Variants in DNMBP observed in about 807,000 individuals in gnomAD.
DNMBP encodes the protein dynamin binding protein, also known as dynamin-binding protein.
DNMBP carries 87 observed loss-of-function variants against 150.0 expected under a neutral mutation model. The observed-to-expected ratio is 0.58, with a 90% CI of 0.49 to 0.69. The LOEUF is 0.69. Ranked by LOEUF, DNMBP falls within the 30% of genes least tolerant of loss-of-function variation. DNMBP has a pLI of 0.00. For missense variants in DNMBP, 1,774 were observed against 1,949.0 expected, an observed-to-expected ratio of 0.91 and a Z score of 1.69; for synonymous variants, 711 against 750.4, an observed-to-expected ratio of 0.95 and a Z score of 0.86.
chr10:99,913,046 G>A (rs2039919682), intron 4 of DNMBP, among the ~76,000 whole-genome samples: 1 of 152,144 alleles, frequency 6.6e-6, no homozygotes, highest in Non-Finnish European at 1.5e-5. Flanking sequence ...TGTAATCCTA[G>A]CGCTTTGGGA....
intron 9 of DNMBP, among the ~76,000 whole-genome samples, chr10:99,897,029 C>G (rs1320065137): frequency 6.6e-6 from 1 of 152,176 alleles, no homozygotes; most frequent in Admixed American, 6.5e-5. Context: ...AAGCCACAGT[C>G]AACATCCCAT....
rs1447502763 is a variant in DNMBP, at chr10:99,894,830, T to A, written c.3156+116A>T. 4 of 721,654 alleles carry A rather than the reference T, an allele frequency of 5.5e-6. No individual in the cohort carries two copies. In the East Asian group the frequency reaches 1.1e-4, roughly 19 times the overall value. The allele number at this position is 721,654 out of a possible 1,614,324, so 44.7% of individuals were successfully genotyped here. On this transcript the variant is annotated intron_variant, in intron 11 of 16. Coordinates refer to ENST00000324109, the MANE Select transcript of DNMBP (RefSeq NM_015221.4). The stretch of plus-strand genomic sequence containing the variant: ...TCTCAACAAAAAGTATGATGGGGCA[T>A]AATAGTAATTTGAGTCCAGATTACT...
Position 99,952,044 on chromosome 10 carries a change from G to A in DNMBP, c.2260+3170C>T, listed in dbSNP as rs536921449. ...GGCAGGTCTTTCCTGTGCTGCTCTCGTGAGAGTGAGTAAGTCTCATGAGAT... is the reference window on the plus strand; with the variant it reads ...GGCAGGTCTTTCCTGTGCTGCTCTCATGAGAGTGAGTAAGTCTCATGAGAT... On this transcript the variant is annotated intron_variant, in intron 4 of 16. Transcript: ENST00000324109. 6.3e-4 allele frequency among the ~76,000 whole-genome samples: 96 copies of A among 152,166 alleles called. 7 individuals are homozygous for A. In the South Asian group the frequency reaches 0.012, roughly 19 times the overall value.
chr10:99,956,987 C>T lies in DNMBP; in HGVS notation c.487G>A (p.Glu163Lys). ...LMGLSAQLDE[E>K]LDFREGDVIT... ...ACATCCCCTTCCCTGAAGTCCAGCTCTTCATCCAGCTGAGCAGAAAGCCCC... is the reference window on the plus strand; with the variant it reads ...ACATCCCCTTCCCTGAAGTCCAGCTTTTCATCCAGCTGAGCAGAAAGCCCC... Residue 163 changes from glutamate (E) to lysine (K), a missense_variant, in exon 4 of 17, where the codon GAG (glutamate) becomes AAG (lysine). Transcript: ENST00000324109. The T allele has an allele frequency of 1.2e-6, 2 of 1,614,236 alleles. No individual in the cohort carries two copies. The highest frequency in any genetic ancestry group is 2.2e-5 in the East Asian group (1 of 44,878).
intron 12 of DNMBP, among the ~76,000 whole-genome samples, chr10:99,887,694 T>C (rs2039491090): frequency 1.3e-5 from 2 of 152,202 alleles, no homozygotes; most frequent in South Asian, 4.1e-4. Flanking sequence ...GGTGGGCATG[T>C]CTTTTTCACC....
intron 4 of DNMBP, among the ~76,000 whole-genome samples, chr10:99,923,949 T>C (rs2040050563): frequency 6.6e-6 from 1 of 152,106 alleles, no homozygotes; most frequent in Admixed American, 6.5e-5. Context: ...AGCCAGGAGT[T>C]TGAAACCAGC....
At chr10:99,989,492 T>A (rs1443396007) in intron 1 of DNMBP, among the ~76,000 whole-genome samples, 1 of 151,980 alleles carries the variant, frequency 6.6e-6, no homozygotes, top group Non-Finnish European at 1.5e-5. Flanking sequence ...AGGTGGATCA[T>A]CTGAGGTCAA....
intron 4 of DNMBP, among the ~76,000 whole-genome samples, chr10:99,911,590 AGT>A (rs1302662117): frequency 6.6e-6 from 1 of 152,178 alleles, no homozygotes; most frequent in Non-Finnish European, 1.5e-5. Context: ...GCATGTGGAG[AGT>A]GGGGATTGAC....
Position 99,880,366 on chromosome 10 carries a change from A to G in DNMBP, c.3998-5T>C, listed in dbSNP as rs1232091410. 5 of 1,563,930 alleles carry G rather than the reference A, an allele frequency of 3.2e-6. No homozygotes were observed. The African/African-American group carries it at 5.4e-5, about 17-fold the overall frequency. ...TGTACACGAAGCCTTTGGTGACTAC[A>G]AAGGAAACAGGAAATATAAACAAGA... On this transcript the variant is annotated splice_polypyrimidine_tract_variant and splice_region_variant and intron_variant, in intron 15 of 16. Transcript: ENST00000324109.
intron 4 of DNMBP, among the ~76,000 whole-genome samples, chr10:99,937,338 C>T (rs569851921): frequency 1.4e-3 from 216 of 152,278 alleles, no homozygotes; most frequent in Middle Eastern, 6.8e-3. Flanking sequence ...CTATGGGCTA[C>T]GATCAGCACT....
intron 6 of DNMBP, among the ~76,000 whole-genome samples, chr10:99,905,227 C>T (rs1301245334): frequency 3.3e-5 from 5 of 152,180 alleles, no homozygotes; most frequent in African/African-American, 1.2e-4. Flanking sequence ...ACTTCCCTGA[C>T]CTCTCTGGTT....
intron 15 of DNMBP, among the ~76,000 whole-genome samples, chr10:99,880,882 T>C (rs2039356637): frequency 6.6e-6 from 1 of 152,160 alleles, no homozygotes; most frequent in South Asian, 2.1e-4. Flanking sequence ...AGAGGATTGC[T>C]TGAGCCCAGT....
At chr10:99,910,832 G>A (rs748678640) in intron 4 of DNMBP, among the ~76,000 whole-genome samples, 4 of 152,218 alleles carry the variant, frequency 2.6e-5, no homozygotes, top group Non-Finnish European at 5.9e-5. Flanking sequence ...ATAAGAACCT[G>A]TAAGTACATA....
Position 99,971,209 on chromosome 10 carries a change from C to T in DNMBP, c.145+771G>A, listed in dbSNP as rs1204956200. Reference sequence around the variant, plus strand: ...ACAGAGATGGAATGGTAACAGAAATCTTCCCCTAACTGGTAGAGACCACAT... The same window carrying T: ...ACAGAGATGGAATGGTAACAGAAATTTTCCCCTAACTGGTAGAGACCACAT... On this transcript the variant is annotated intron_variant, in intron 2 of 16. Transcript: ENST00000324109. 3.3e-5 allele frequency among the ~76,000 whole-genome samples: 5 copies of T among 152,066 alleles called. No individual in the cohort carries two copies. In the South Asian group the frequency reaches 1.0e-3, roughly 32 times the overall value.
At chr10:99,898,597 G>T (rs1054892389) in intron 8 of DNMBP, 146 bp downstream of exon 8, 1 of 846,490 alleles carries the variant, frequency 1.2e-6, no homozygotes. Flanking sequence ...TGTTCCCTTG[G>T]GGATAAGTGC....
At chr10:99,953,915 A>G (rs12415351) in intron 4 of DNMBP, among the ~76,000 whole-genome samples, 70,662 of 151,786 alleles carry the variant, frequency 0.47, 17,439 homozygotes, top group African/African-American at 0.63. Context: ...TTAGTGCTTA[A>G]TGGAGCCTGA....
intron 6 of DNMBP, among the ~76,000 whole-genome samples, chr10:99,906,409 T>C (rs766752516): frequency 3.9e-5 from 6 of 152,162 alleles, no homozygotes; most frequent in South Asian, 2.1e-4. Flanking sequence ...CTCTTGTAAT[T>C]AGGATTCTAA....
intron 7 of DNMBP, 31 bp downstream of exon 7, chr10:99,899,888 G>A (rs2039713826): frequency 6.2e-7 from 1 of 1,613,144 alleles, no homozygotes; most frequent in Non-Finnish European, 8.5e-7. Context: ...CTAAAGAGCT[G>A]TAATGGAAGT....
chr10:99,886,717 TTG>T, intron 12 of DNMBP, 85 bp from the exon 13 acceptor site: 1 of 1,334,264 alleles, frequency 7.5e-7, no homozygotes, highest in Non-Finnish European at 1.0e-6. Flanking sequence ...GCTGACTTTG[TTG>T]TGTCCTGAAC....
Sources: allele counts gnomAD v4.1 joint callset (sites outside exome capture counted in the v4.1 genomes callset), GRCh38; gene constraint gnomAD v4.1.1; transcripts MANE v1.5; gene names NCBI Gene and HGNC (gene_info 2026-07-23, HGNC 2026-07-21).